The following CUL2 variants were observed in gnomAD, a reference collection of about 807,000 sequenced individuals.
The protein encoded by CUL2 is cullin-2.
A neutral mutation model predicts 110.2 loss-of-function variants in CUL2; 22 were observed. That is an observed-to-expected ratio of 0.20 (90% confidence interval 0.14 to 0.28). The LOEUF (loss-of-function observed/expected upper bound fraction) is 0.28. Ranked by LOEUF, CUL2 falls within the 10% of genes least tolerant of loss-of-function variation. The probability of loss-of-function intolerance (pLI) is 1.00; values close to 1 mark genes in which losing one functional copy is unlikely to be tolerated. For missense variants in CUL2, 631 were observed against 905.5 expected, an observed-to-expected ratio of 0.70 and a Z score of 3.89; for synonymous variants, 279 against 293.2, an observed-to-expected ratio of 0.95 and a Z score of 0.49.
At chr10:35,038,797 A>G in intron 9 of CUL2, 123 bp downstream of exon 9, 1 of 585,142 alleles carries the variant, frequency 1.7e-6, no homozygotes, top group Non-Finnish European at 2.8e-6. Context: ...AATAATCTGT[A>G]AAAGGTTATT....
At chr10:35,114,198 A>G (rs1274291388) in intron 1 of CUL2, among the ~76,000 whole-genome samples, 1 of 151,580 alleles carries the variant, frequency 6.6e-6, no homozygotes, top group Admixed American at 6.6e-5. Flanking sequence ...CTGGGATTAC[A>G]AGTGTGAGCC....
intron 1 of CUL2, among the ~76,000 whole-genome samples, chr10:35,075,218 CA>C (rs987585509): frequency 1.1e-4 from 17 of 152,154 alleles, no homozygotes; most frequent in African/African-American, 3.9e-4. Context: ...CAAAAACTGA[CA>C]AACCAATAGC....
chr10:35,056,530 AC>A (rs2086244481), intron 4 of CUL2, among the ~76,000 whole-genome samples: 1 of 152,108 alleles, frequency 6.6e-6, no homozygotes. Flanking sequence ...CAGGGCTGGC[AC>A]AGAAACTCAG....
intron 19 of CUL2, 44 bp from the exon 20 acceptor site, chr10:35,012,008 G>A: frequency 9.2e-7 from 1 of 1,087,252 alleles, no homozygotes; most frequent in East Asian, 2.6e-5. Context: ...AAGACATTAA[G>A]TCACTGAACT....
In CUL2 at chr10:35,010,419, C is replaced by G; in HGVS notation, c.2130G>C (p.Arg710Ser). Reference protein sequence around the residue: ...IQEVISQSRARFNPSISMIKK... With the variant: ...IQEVISQSRASFNPSISMIKK... ...TAATCATGCTGATACTGGGATTAAA[C>G]CTAGCTCTTGACTGGCTAATCACCT... The change falls in exon 21 of 21, where the codon AGG (arginine) becomes AGC (serine). Residue 710 changes from arginine (R) to serine (S), a missense_variant. Physicochemically the swap from Arg to Ser is moderately radical, Grantham distance 110 (BLOSUM62 -1). Coordinates refer to ENST00000374749, the MANE Select transcript of CUL2 (RefSeq NM_003591.4). The G allele has an allele frequency of 6.2e-7, 1 of 1,610,944 alleles. No homozygotes were observed. The highest frequency in any genetic ancestry group is 8.5e-7 in the Non-Finnish European group (1 of 1,178,566).
chr10:35,074,563 T>C (rs74779402), intron 1 of CUL2, among the ~76,000 whole-genome samples: 1,838 of 152,254 alleles, frequency 0.012, 35 homozygotes, highest in East Asian at 0.051. Flanking sequence ...TCGAGTGCAC[T>C]GCAACCTCCA....
At chr10:35,066,367 T>C (rs2086525943) in intron 2 of CUL2, among the ~76,000 whole-genome samples, 1 of 152,182 alleles carries the variant, frequency 6.6e-6, no homozygotes, top group Non-Finnish European at 1.5e-5. Flanking sequence ...TGGCGTGATC[T>C]CGGCTCACTG....
chr10:35,104,457 G>T (rs2087428060), intron 1 of CUL2, among the ~76,000 whole-genome samples: 1 of 152,002 alleles, frequency 6.6e-6, no homozygotes, highest in Non-Finnish European at 1.5e-5. Context: ...TCCCATTAAG[G>T]TTAACCCCTT....
intron 14 of CUL2, among the ~76,000 whole-genome samples, chr10:35,030,236 T>G (rs1157821102): frequency 6.6e-6 from 1 of 152,226 alleles, no homozygotes; most frequent in Non-Finnish European, 1.5e-5. Flanking sequence ...ATTGAAAAAG[T>G]TCTATTTAGG....
chr10:35,010,400 T>C lies in CUL2; in HGVS notation c.2149A>G (p.Met717Val). 1 of 1,612,858 alleles carries C rather than the reference T, an allele frequency of 6.2e-7. No homozygotes were observed. The highest frequency in any genetic ancestry group is 8.5e-7 in the Non-Finnish European group (1 of 1,179,462). ...AGAACTTCAATACACTTCTTAATCA[T>C]GCTGATACTGGGATTAAACCTAGCT... ...SRARFNPSIS[M>V]IKKCIEVLID... Residue 717 changes from methionine (M) to valine (V), a missense_variant, in exon 21 of 21, where the codon ATG becomes GTG. Transcript: ENST00000374749.
At chr10:35,046,068 C>G (rs2085931081) in intron 6 of CUL2, among the ~76,000 whole-genome samples, 1 of 152,216 alleles carries the variant, frequency 6.6e-6, no homozygotes, top group Admixed American at 6.5e-5. Flanking sequence ...CTCTGAACCC[C>G]TCTAGTCCTC....
intron 1 of CUL2, among the ~76,000 whole-genome samples, chr10:35,116,083 C>G (rs189574808): frequency 6.6e-6 from 1 of 152,192 alleles, no homozygotes; most frequent in Non-Finnish European, 1.5e-5. Context: ...CGGTTCACAC[C>G]TGTAATCCCA....
chr10:35,044,203 C>A (rs897334842), intron 8 of CUL2, among the ~76,000 whole-genome samples: 16 of 151,780 alleles, frequency 1.1e-4, no homozygotes, highest in African/African-American at 3.9e-4. Context: ...AGAAAAAAAC[C>A]TCAACACAGA....
At chr10:35,100,350 T>C (rs1359328764) in intron 2 of CUL2, among the ~76,000 whole-genome samples, 1 of 152,174 alleles carries the variant, frequency 6.6e-6, no homozygotes, top group African/African-American at 2.4e-5. Context: ...ATGTAACAAG[T>C]TACTCACTTG....
At chr10:35,076,088 C>T (rs942294031) in intron 1 of CUL2, among the ~76,000 whole-genome samples, 1 of 152,058 alleles carries the variant, frequency 6.6e-6, no homozygotes, top group African/African-American at 2.4e-5. Context: ...TATTATTTGG[C>T]AATACGAGGA....
chr10:35,064,099 A>G (rs1206304707), intron 2 of CUL2: 1 of 152,194 alleles, frequency 6.6e-6, no homozygotes, highest in African/African-American at 2.4e-5. Context: ...AAGTGTCTCC[A>G]AGGTAAAGAT....
intron 1 of CUL2, among the ~76,000 whole-genome samples, chr10:35,087,793 C>T (rs1230006496): frequency 1.3e-5 from 2 of 152,236 alleles, no homozygotes; most frequent in African/African-American, 4.8e-5. Flanking sequence ...CACTGGTCTC[C>T]TTGTGTCTCT....
At chr10:35,029,365 T>C (rs990594949) in intron 15 of CUL2, 123 bp downstream of exon 15, 18 of 678,618 alleles carry the variant, frequency 2.7e-5, no homozygotes, top group Admixed American at 7.8e-5. Flanking sequence ...CCCAAATCAA[T>C]AGGACTTTAG....
At chr10:35,035,336 T>C in intron 9 of CUL2, 40 bp from the exon 10 acceptor site, 1 of 1,604,702 alleles carries the variant, frequency 6.2e-7, no homozygotes, top group Non-Finnish European at 8.5e-7. Flanking sequence ...CTCCCAAATA[T>C]TTTCATTTAT....
Sources: allele counts gnomAD v4.1 joint callset (sites outside exome capture counted in the v4.1 genomes callset), GRCh38; gene constraint gnomAD v4.1.1; transcripts MANE v1.5; gene names NCBI Gene and HGNC (gene_info 2026-07-23, HGNC 2026-07-21).